The following CD99L2 variants were observed in gnomAD, a reference collection of about 807,000 sequenced individuals.
The protein encoded by CD99L2 is CD99 molecule like 2.
A neutral mutation model predicts 27.3 loss-of-function variants in CD99L2; 24 were observed. The observed-to-expected ratio is 0.88, with a 90% CI of 0.64 to 1.24. The LOEUF (loss-of-function observed/expected upper bound fraction) is 1.24, where lower values mean the gene tolerates loss of function less well. Ranked by LOEUF, CD99L2 falls within the 50% of genes most tolerant of loss-of-function variation. The pLI, the probability that CD99L2 is intolerant of heterozygous loss-of-function variation, is 0.00. For synonymous variants in CD99L2, 97 were observed against 87.9 expected, an observed-to-expected ratio of 1.10 and a Z score of -0.58; for missense variants, 255 against 221.6, an observed-to-expected ratio of 1.15 and a Z score of -0.96.
At position 150,769,085 on chromosome X, in the gene CD99L2, C is replaced by A; in HGVS notation, c.738G>T (p.Leu246Phe). The change falls in exon 11 of 11, where the codon TTG becomes TTT. Residue 246 changes from leucine to phenylalanine, a missense_variant. Transcript: ENST00000370377. The part of the protein sequence containing the change: ...CEEPQVKYST[L>F]HTQSAEPPPP... Reference sequence around the variant, plus strand: ...GCGGCGGCTCTGCAGACTGCGTGTGCAACGTGGAGTATTTCACTAGGGGAA... The same window carrying A: ...GCGGCGGCTCTGCAGACTGCGTGTGAAACGTGGAGTATTTCACTAGGGGAA... The A allele has an allele frequency of 8.6e-7, 1 of 1,162,767 alleles. No homozygotes were observed. The highest frequency in any genetic ancestry group is 1.1e-6 in the Non-Finnish European group (1 of 877,548).
At chrX:150,802,940 G>A (rs782448869) in intron 4 of CD99L2, among the ~76,000 whole-genome samples, 4 of 82,593 alleles carry the variant, frequency 4.8e-5, no homozygotes, top group Non-Finnish European at 9.0e-5. Context: ...TTGTCGCCCA[G>A]GCTGGAGTGC....
intron 9 of CD99L2, chrX:150,771,690 G>T: frequency 1.2e-6 from 1 of 864,196 alleles, no homozygotes; most frequent in Non-Finnish European, 1.6e-6. Context: ...CCACGTCGGT[G>T]AGTGCCAGGG....
chrX:150,883,976 T>C (rs1313127197), intron 1 of CD99L2, among the ~76,000 whole-genome samples: 4 of 111,114 alleles, frequency 3.6e-5, no homozygotes, highest in African/African-American at 6.5e-5. Context: ...CTGGTGAGGC[T>C]GGCACAACAA....
At chrX:150,817,191 G>A (rs1419002832) in intron 2 of CD99L2, among the ~76,000 whole-genome samples, 1 of 102,976 alleles carries the variant, frequency 9.7e-6, no homozygotes, top group Admixed American at 1.1e-4. Flanking sequence ...AAAACTTAAA[G>A]TATAATAATA....
chrX:150,837,125 G>A (rs782100903), intron 1 of CD99L2, among the ~76,000 whole-genome samples: 2 of 112,069 alleles, frequency 1.8e-5, no homozygotes, highest in Non-Finnish European at 3.8e-5. Flanking sequence ...CCAGGTCTTC[G>A]TCTCTAATCC....
At chrX:150,775,599 A>G (rs1425885251) in intron 9 of CD99L2, among the ~76,000 whole-genome samples, 1 of 112,608 alleles carries the variant, frequency 8.9e-6, no homozygotes, top group Non-Finnish European at 1.9e-5. Context: ...TTTCTCTCAC[A>G]TTCCTACTTC....
chrX:150,829,729 C>A (rs1253519578), intron 2 of CD99L2: 1 of 209,376 alleles, frequency 4.8e-6, no homozygotes, highest in African/African-American at 3.0e-5. Context: ...TGTAGATGCA[C>A]CTAACAGCAT....
At chrX:150,896,594 A>G (rs2047614780) in intron 1 of CD99L2, among the ~76,000 whole-genome samples, 1 of 111,928 alleles carries the variant, frequency 8.9e-6, no homozygotes, top group Non-Finnish European at 1.9e-5. Context: ...TGCCTGGCAC[A>G]CAGGAAGAAC....
intron 1 of CD99L2, among the ~76,000 whole-genome samples, chrX:150,880,504 T>C (rs1001276717): frequency 4.5e-5 from 5 of 111,834 alleles, no homozygotes; most frequent in Non-Finnish European, 7.5e-5. Context: ...GGGAAATCCA[T>C]AGAGGCTGAA....
intron 1 of CD99L2, among the ~76,000 whole-genome samples, chrX:150,887,250 A>G (rs1335160297): frequency 9.1e-6 from 1 of 109,627 alleles, no homozygotes; most frequent in African/African-American, 3.3e-5. Flanking sequence ...GTTGGAGATC[A>G]GCCTGGCCAA....
At chrX:150,779,684 A>G (rs144476581) in intron 7 of CD99L2, among the ~76,000 whole-genome samples, 1,170 of 112,544 alleles carry the variant, frequency 0.01, 21 homozygotes, top group African/African-American at 0.036. Context: ...ATAAAATAAA[A>G]TTACCCAACC....
chrX:150,780,331 A>G lies in CD99L2; in HGVS notation c.497-2849T>C, dbSNP rs2045489299. Among the ~76,000 whole-genome samples, 5 of 112,266 alleles carry G rather than the reference A, an allele frequency of 4.5e-5. No individual in the cohort carries two copies. In the South Asian group the frequency reaches 1.8e-3, roughly 41 times the overall value. On this transcript the variant is annotated intron_variant, in intron 7 of 10. Coordinates refer to ENST00000370377, the MANE Select transcript of CD99L2 (RefSeq NM_031462.4). ...GTTGGTAAGGATGTGAAGAAATTGGAACCCCTAAACATTGCTAGCAGGCAT... is the reference window on the plus strand; with the variant it reads ...GTTGGTAAGGATGTGAAGAAATTGGGACCCCTAAACATTGCTAGCAGGCAT...
At position 150,833,033 on chromosome X, in the gene CD99L2, C is replaced by T. The variant is rs557001754; in HGVS notation, c.68-1740G>A. Among the ~76,000 whole-genome samples the T allele has an allele frequency of 3.2e-4, 31 of 97,948 alleles. No individual in the cohort carries two copies. In the South Asian group the frequency reaches 0.012, roughly 38 times the overall value. 85.1% of individuals were successfully genotyped at this position (97,948 alleles called of 115,157 possible). A position where few individuals can be genotyped will look rare whatever the true frequency, so the allele number is the denominator to read the frequency against. On this transcript the variant is annotated intron_variant, in intron 1 of 10. Transcript: ENST00000370377. Reference sequence around the variant, plus strand: ...TCGCGCCACTGCACTCCAGCCTGGGCGACAGAGCGAGACTCTGTCTCAAAA... The same window carrying T: ...TCGCGCCACTGCACTCCAGCCTGGGTGACAGAGCGAGACTCTGTCTCAAAA...
In CD99L2 at chrX:150,768,830, A is replaced by G. The variant is rs944526788; in HGVS notation, c.*204T>C. On this transcript the variant is annotated 3_prime_UTR_variant, in exon 11 of 11. Coordinates refer to ENST00000370377, the MANE Select transcript of CD99L2 (RefSeq NM_031462.4). Reference sequence around the variant, plus strand: ...GGCTTTCTATCAGAGCTGGCTCTTGAATTTCGGCACCAAGTCTCAGCACGC... The same window carrying G: ...GGCTTTCTATCAGAGCTGGCTCTTGGATTTCGGCACCAAGTCTCAGCACGC... 1.8e-4 allele frequency: 161 copies of G among 918,535 alleles called. No individual in the cohort carries two copies. Among genetic ancestry groups the G allele is most frequent in the Non-Finnish European group, 2.2e-4 (157 of 728,813 alleles). 75.7% of individuals were successfully genotyped at this position (918,535 alleles called of 1,213,427 possible).
intron 9 of CD99L2, among the ~76,000 whole-genome samples, chrX:150,771,495 G>A (rs1006415834): frequency 1.6e-4 from 18 of 111,804 alleles, no homozygotes; most frequent in African/African-American, 5.5e-4. Context: ...GCGCTGGATC[G>A]TCTCCTTCCT....
At chrX:150,872,864 G>C (rs1410145721) in intron 1 of CD99L2, among the ~76,000 whole-genome samples, 2 of 112,061 alleles carry the variant, frequency 1.8e-5, no homozygotes, top group Non-Finnish European at 3.8e-5. Context: ...AAACAGTAGA[G>C]GATGGGCCAG....
rs782037622 is a variant in CD99L2 at position 150,858,827 on chromosome X, G to GGAAA, written c.68-27538_68-27535dup. On this transcript the variant is annotated intron_variant, in intron 1 of 10. Transcript: ENST00000370377. ...TAATCCAAACCCAAAATTAGTAGAA[G>GGAAA]GAAAGAAAGAAAGATCAGAGCAGAA... 5.4e-5 allele frequency among the ~76,000 whole-genome samples: 6 copies of GGAAA among 110,710 alleles called. No individual in the cohort carries two copies. The Admixed American group carries it at 5.8e-4, about 11-fold the overall frequency.
At chrX:150,877,959 TACACACACAC>T (rs72172934) in intron 1 of CD99L2, among the ~76,000 whole-genome samples, 44 of 83,063 alleles carry the variant, frequency 5.3e-4, no homozygotes, top group East Asian at 1.2e-3. Flanking sequence ...CTCAAACACA[TACACACACAC>T]ACACACACAC....
chrX:150,845,578 T>C (rs1450370940), intron 1 of CD99L2, among the ~76,000 whole-genome samples: 1 of 110,583 alleles, frequency 9.0e-6, no homozygotes, highest in Admixed American at 9.7e-5. Flanking sequence ...GGTTAATCAT[T>C]AGGTAGCAGA....
Sources: allele counts gnomAD v4.1 joint callset (sites outside exome capture counted in the v4.1 genomes callset), GRCh38; gene constraint gnomAD v4.1.1; transcripts MANE v1.5; gene names NCBI Gene and HGNC (gene_info 2026-07-23, HGNC 2026-07-21).